Variants in RNF44 observed in about 807,000 individuals in gnomAD.
RNF44 encodes ring finger protein 44.
RNF44 carries 25 observed loss-of-function variants against 53.6 expected under a neutral mutation model. The observed-to-expected ratio is 0.47, with a 90% CI of 0.34 to 0.65. The LOEUF is 0.65. RNF44 is among the 30% of genes least tolerant of loss of function. The pLI is 0.01. For synonymous variants in RNF44, 282 were observed against 252.2 expected, an observed-to-expected ratio of 1.12 and a Z score of -1.12; for missense variants, 581 against 595.5, an observed-to-expected ratio of 0.98 and a Z score of 0.25.
Position 176,528,026 on chromosome 5 carries a change from AC to A in RNF44, c.*1001del, listed in dbSNP as rs1032588849. ...CATGGCAGTTATCAGCTGAGCACAG[AC>A]CCCCAACCCTGCCCCACGACCGCCG... On this transcript the variant is annotated 3_prime_UTR_variant, in exon 11 of 11. Coordinates refer to ENST00000274811, the MANE Select transcript of RNF44 (RefSeq NM_014901.5). 6.6e-6 allele frequency: 1 copy of A among 151,458 alleles called. No individual in the cohort carries two copies. Among genetic ancestry groups the A allele is most frequent in the African/African-American group, 2.4e-5 (1 of 40,828 alleles). 9.4% of individuals were successfully genotyped at this position (151,458 alleles called of 1,614,324 possible).
chr5:176,537,876 AC>A, upstream of RNF44: 1 of 152,192 alleles, frequency 6.6e-6, no homozygotes, highest in Non-Finnish European at 1.5e-5. Flanking sequence ...AGATGACGTC[AC>A]CCCCAAGAGC....
intron 7 of RNF44, 30 bp downstream of exon 7, chr5:176,530,052 G>A (rs1756415992): frequency 7.2e-7 from 1 of 1,390,944 alleles, no homozygotes; most frequent in African/African-American, 1.5e-5. Flanking sequence ...CAGGGCATCA[G>A]GGACCTGGGG....
chr5:176,540,240 C>T (rs955981337), upstream of RNF44, among the ~76,000 whole-genome samples: 20 of 152,116 alleles, frequency 1.3e-4, no homozygotes, highest in Non-Finnish European at 2.5e-4. Flanking sequence ...CTGGCATATA[C>T]GGGTACCCCA....
In RNF44 at chr5:176,531,415, G is replaced by C; in HGVS notation, c.465+48C>G. 1 of 1,523,108 alleles carries C rather than the reference G, an allele frequency of 6.6e-7. No homozygotes were observed. The highest frequency in any genetic ancestry group is 8.8e-7 in the Non-Finnish European group (1 of 1,133,018). The allele number at this position is 1,523,108 out of a possible 1,614,324, so 94.3% of individuals were successfully genotyped here. On this transcript the variant is annotated intron_variant, in intron 4 of 10. Transcript: ENST00000274811. This position sits in a 1 kb window ranked among gnomAD's most constrained non-coding sequence, Gnocchi z 4.2. ...TGGGCCCGCTGAGCCGCTGGCCTGTGCCTGGGGCTTGCAGCTGGTGGAGGA... is the reference window on the plus strand; with the variant it reads ...TGGGCCCGCTGAGCCGCTGGCCTGTCCCTGGGGCTTGCAGCTGGTGGAGGA...
Position 176,529,761 on chromosome 5 carries a change from G to C in RNF44, c.984C>G (p.Asp328Glu). The stretch of plus-strand genomic sequence containing the variant: ...AGTTCTCCATCTCCACATCATCCAC[G>C]TCCAGGTCCAGGCTGATGGTGGGCC... ...AMGPTISLDL[D>E]VDDVEMENYE... The change falls in exon 8 of 11, where the codon GAC (aspartate) becomes GAG (glutamate). Residue 328 changes from aspartate to glutamate, a missense_variant. Physicochemically the swap from Asp to Glu is conservative, Grantham distance 45. This residue lies in a region of RNF44 where 183 missense variants were observed against 198.6 expected (regional missense o/e 0.92). Transcript: ENST00000274811. The C allele has an allele frequency of 6.2e-7, 1 of 1,612,160 alleles. No individual in the cohort carries two copies. Among genetic ancestry groups the C allele is most frequent in the Non-Finnish European group, 8.5e-7 (1 of 1,179,022 alleles).
Position 176,537,268 on chromosome 5 carries a change from C to G in RNF44, c.-373G>C, listed in dbSNP as rs1757283911. 1 of 152,416 alleles carries G rather than the reference C, an allele frequency of 6.6e-6. No homozygotes were observed. Among genetic ancestry groups the G allele is most frequent in the East Asian group, 1.9e-4 (1 of 5,170 alleles). The allele number at this position is 152,416 out of a possible 1,614,324, so 9.4% of individuals were successfully genotyped here. A position where few individuals can be genotyped will look rare whatever the true frequency, so the allele number is the denominator to read the frequency against. ...GGCGGCTGGCCCTTTAAGAACTGTC[C>G]GCGGCGGCAGCGGAATGTAACAAAC... On this transcript the variant is annotated 5_prime_UTR_variant, in exon 1 of 11. Transcript: ENST00000274811.
chr5:176,531,784 C>T lies in RNF44; in HGVS notation c.298-154G>A. On this transcript the variant is annotated intron_variant, in intron 3 of 10. Transcript: ENST00000274811. This position sits in a 1 kb window ranked among gnomAD's most constrained non-coding sequence, Gnocchi z 4.2. Reference sequence around the variant, plus strand: ...GCAGACCAGACTGTGCCTCTACTCCCAGGCCCCCGGGGCAGAGAAAGCCCC... The same window carrying T: ...GCAGACCAGACTGTGCCTCTACTCCTAGGCCCCCGGGGCAGAGAAAGCCCC... 2.2e-6 allele frequency: 2 copies of T among 900,820 alleles called. No homozygotes were observed. The highest frequency in any genetic ancestry group is 3.3e-6 in the Non-Finnish European group (2 of 607,968). 55.8% of individuals were successfully genotyped at this position (900,820 alleles called of 1,614,324 possible). A position where few individuals can be genotyped will look rare whatever the true frequency, so the allele number is the denominator to read the frequency against.
intron 2 of RNF44, 63 bp downstream of exon 2, chr5:176,532,303 C>G (rs1212058799): frequency 2.0e-6 from 3 of 1,537,732 alleles, no homozygotes; most frequent in Non-Finnish European, 2.6e-6. Flanking sequence ...CAGCTCAGGG[C>G]CCTGCGCCCC....
Position 176,529,815 on chromosome 5 carries a change from C to G in RNF44, c.930G>C (p.Ser310=), listed in dbSNP as rs201108439. The G allele has an allele frequency of 6.3e-7, 1 of 1,599,752 alleles. No homozygotes were observed. Among genetic ancestry groups the G allele is most frequent in the Non-Finnish European group, 8.5e-7 (1 of 1,173,012 alleles). ...YYPSFLPYFL[S]MLPMSPTAMG... ...TTGCTGTTGGTGACATTGGCAGCAT[C>G]GAGCTAGAGAGAGACAAGTGTGGGG... is the stretch of plus-strand genomic sequence containing the variant. Residue 310 remains serine, a synonymous_variant, in exon 8 of 11, where the codon TCG becomes TCC. Transcript: ENST00000274811.
rs150743115 is a variant in RNF44 at position 176,534,738 on chromosome 5, G to A, written c.-45+2202C>T. Among the ~76,000 whole-genome samples, 576 of 152,322 alleles carry A rather than the reference G, an allele frequency of 3.8e-3. 2 individuals carry two copies. Among genetic ancestry groups the A allele is most frequent in the Non-Finnish European group, 6.0e-3 (405 of 68,026 alleles). On this transcript the variant is annotated intron_variant, in intron 1 of 10. Transcript: ENST00000274811. ...ACCATAATAACCATGCTGTTTCCCC[G>A]GCGCCAACTTGGTGAGTCCTCCCAG...
chr5:176,530,815 T>C (rs772421795), intron 5 of RNF44, 33 bp downstream of exon 5: 2 of 1,384,216 alleles, frequency 1.4e-6, no homozygotes, highest in Admixed American at 7.0e-5. Flanking sequence ...CCCCACGCCA[T>C]CTCCCTCCAG....
chr5:176,540,059 G>C (rs1297286005), upstream of RNF44, among the ~76,000 whole-genome samples: 5 of 152,198 alleles, frequency 3.3e-5, no homozygotes. Context: ...GACATCTCCA[G>C]CTGTGCTGAA....
intron 1 of RNF44, chr5:176,536,074 C>A (rs565686367): frequency 6.6e-6 from 1 of 152,356 alleles, no homozygotes; most frequent in Non-Finnish European, 1.5e-5. Context: ...CAAAGTCAGA[C>A]CCTGGGGGCA....
At chr5:176,536,348 A>G (rs1444241710) in intron 1 of RNF44, 1 of 152,302 alleles carries the variant, frequency 6.6e-6, no homozygotes, top group African/African-American at 2.4e-5. Context: ...TAAAACCAGA[A>G]GAGTCCAGAA....
rs1561844635 is a variant in RNF44 at position 176,530,239 on chromosome 5, CA to C, written c.802-34del. The C allele has an allele frequency of 1.4e-4, 154 of 1,063,306 alleles. 18 individuals carry two copies. Among genetic ancestry groups the C allele is most frequent in the Middle Eastern group, 1.2e-3 (3 of 2,558 alleles). 65.9% of individuals were successfully genotyped at this position (1,063,306 alleles called of 1,614,324 possible). ...AGGGGCCAGGTGCAGGTCAGCCCAGCAGGCCTGCCTCCCAGCCGCCCCGGAG... is the reference window on the plus strand; with the variant it reads ...AGGGGCCAGGTGCAGGTCAGCCCAGCGGCCTGCCTCCCAGCCGCCCCGGAG... On this transcript the variant is annotated intron_variant, in intron 6 of 10. Transcript: ENST00000274811.
chr5:176,543,168 G>A, the RNF44 span, among the ~76,000 whole-genome samples: 1 of 150,276 alleles, frequency 6.7e-6, no homozygotes, highest in Admixed American at 6.6e-5. This position sits in a 1 kb window ranked among gnomAD's most constrained non-coding sequence, Gnocchi z 4.0. Flanking sequence ...CCCCGCGTGC[G>A]TTCCTCCGCC....
chr5:176,533,713 G>A (rs542501369), intron 1 of RNF44, among the ~76,000 whole-genome samples: 2 of 152,206 alleles, frequency 1.3e-5, no homozygotes, highest in African/African-American at 4.8e-5. Context: ...TCCTGCCTCC[G>A]GTCAGAGATG....
the RNF44 span, among the ~76,000 whole-genome samples, chr5:176,543,340 G>A: frequency 6.8e-6 from 1 of 147,950 alleles, no homozygotes; most frequent in Admixed American, 6.7e-5. The surrounding 1 kb of genome is among the most constrained non-coding windows in gnomAD (Gnocchi z 4.0). Context: ...CGGTGCGGCT[G>A]CGGCCCGCGC....
Position 176,530,937 on chromosome 5 carries a change from G to T in RNF44, c.550C>A (p.His184Asn). 1.4e-6 allele frequency: 2 copies of T among 1,448,410 alleles called. No individual in the cohort carries two copies. Among genetic ancestry groups the T allele is most frequent in the Non-Finnish European group, 1.8e-6 (2 of 1,097,648 alleles). 89.7% of individuals were successfully genotyped at this position (1,448,410 alleles called of 1,614,324 possible). A position where few individuals can be genotyped will look rare whatever the true frequency, so the allele number is the denominator to read the frequency against. The part of the protein sequence containing the change: ...HLISSDHYIL[H>N]PPPPAPPPQP... ...GGGGGTGGGGCCGGTGGTGGGGGGT[G>T]CAGGATGTAGTGGTCACTGGAGATG... Residue 184 changes from histidine (H) to asparagine (N), a missense_variant, in exon 5 of 11, where the codon CAC (histidine) becomes AAC (asparagine). This residue lies in a region of RNF44 where 387 missense variants were observed against 366.0 expected (regional missense o/e 1.06). Coordinates refer to ENST00000274811, the MANE Select transcript of RNF44 (RefSeq NM_014901.5).
Sources: gnomAD v4.1 joint callset for allele counts (sites outside exome capture counted in the v4.1 genomes callset) on GRCh38, gnomAD v4.1.1 for gene constraint, gnomAD v4.1.1 regional missense constraint, Gnocchi (gnomAD v3.1) non-coding constraint, MANE v1.5 for transcripts, NCBI Gene and HGNC (gene_info 2026-07-23, HGNC 2026-07-21) for gene names.